The following TNPO1 variants were observed in gnomAD, a reference collection of about 807,000 sequenced individuals.
TNPO1 encodes the protein transportin 1.
TNPO1 carries 8 observed loss-of-function variants against 119.5 expected under a neutral mutation model. That is an observed-to-expected ratio of 0.07 (90% CI 0.04 to 0.12). The LOEUF is 0.12. Among genes scored for constraint, TNPO1 ranks in the 10% least tolerant of loss-of-function variants. TNPO1 has a pLI of 1.00. For missense variants in TNPO1, 576 were observed against 1,089.8 expected (o/e 0.53, Z 6.64); for synonymous variants, 362 against 363.0 (o/e 1.00, Z 0.03).
intron 20 of TNPO1, 136 bp downstream of exon 20, chr5:72,897,287 G>A (rs1749498038): frequency 6.6e-6 from 4 of 602,062 alleles, no homozygotes; most frequent in Non-Finnish European, 1.2e-5. Context: ...CGGATTTTCA[G>A]TAATGAAATA....
At chr5:72,887,507 C>T (rs1036538749) in intron 12 of TNPO1, among the ~76,000 whole-genome samples, 1 of 152,136 alleles carries the variant, frequency 6.6e-6, no homozygotes, top group East Asian at 1.9e-4. Context: ...GTTAACATGG[C>T]GAAACCACGT....
intron 1 of TNPO1, among the ~76,000 whole-genome samples, chr5:72,827,854 A>G (rs566341458): frequency 1.3e-5 from 2 of 151,084 alleles, no homozygotes; most frequent in African/African-American, 4.9e-5. Context: ...TGGGAGGTCA[A>G]GGTTGCAGTG....
intron 1 of TNPO1, among the ~76,000 whole-genome samples, chr5:72,845,074 CTT>C (rs111512326): frequency 1.4e-5 from 2 of 142,528 alleles, no homozygotes; most frequent in Non-Finnish European, 3.0e-5. Flanking sequence ...GTTGAAATGC[CTT>C]TTTTTTTTTT....
intron 3 of TNPO1, among the ~76,000 whole-genome samples, chr5:72,852,861 A>G (rs900186431): frequency 6.6e-6 from 1 of 152,234 alleles, no homozygotes; most frequent in African/African-American, 2.4e-5. Context: ...TATTTCAACA[A>G]TTAATATTCC....
intron 3 of TNPO1, among the ~76,000 whole-genome samples, chr5:72,853,946 G>A (rs1237528098): frequency 6.6e-6 from 1 of 152,102 alleles, no homozygotes; most frequent in African/African-American, 2.4e-5. Flanking sequence ...GTTAGTCGTT[G>A]AATTTTTTAA....
intron 19 of TNPO1, 50 bp from the exon 20 acceptor site, chr5:72,897,006 A>G (rs1749481508): frequency 2.5e-6 from 3 of 1,181,664 alleles, no homozygotes; most frequent in Non-Finnish European, 3.6e-6. Flanking sequence ...TTGATATTTT[A>G]ACGTTCAATT....
At chr5:72,869,971 G>C (rs1437749376) in intron 6 of TNPO1, among the ~76,000 whole-genome samples, 1 of 152,220 alleles carries the variant, frequency 6.6e-6, no homozygotes, top group African/African-American at 2.4e-5. Flanking sequence ...TTCTGGCCTA[G>C]ATCTGATTCC....
chr5:72,842,384 G>A (rs764467663), intron 1 of TNPO1, among the ~76,000 whole-genome samples: 1 of 152,206 alleles, frequency 6.6e-6, no homozygotes, highest in African/African-American at 2.4e-5. Context: ...CCAACCTTAG[G>A]CAAGTAACTT....
In TNPO1 at chr5:72,816,688, A is replaced by G. The variant is rs1354086827; in HGVS notation, c.-50A>G. 8 of 1,539,868 alleles carry G rather than the reference A, an allele frequency of 5.2e-6. No homozygotes were observed. Among genetic ancestry groups the G allele is most frequent in the East Asian group, 2.6e-5 (1 of 39,144 alleles). Reference sequence around the variant, plus strand: ...TCCGCAGCCATTTCAGGCCCCGGACAGGAGGCAGTGCCGCTTCGGCCGAAG... The same window carrying G: ...TCCGCAGCCATTTCAGGCCCCGGACGGGAGGCAGTGCCGCTTCGGCCGAAG... On this transcript the variant is annotated 5_prime_UTR_variant, in exon 1 of 25. Coordinates refer to ENST00000337273, the MANE Select transcript of TNPO1 (RefSeq NM_002270.4).
chr5:72,831,829 T>C (rs1028791729), intron 1 of TNPO1, among the ~76,000 whole-genome samples: 3 of 152,054 alleles, frequency 2.0e-5, no homozygotes, highest in Admixed American at 6.5e-5. Flanking sequence ...AAAAAGTTGC[T>C]CTAAGTACAT....
At chr5:72,899,697 C>T (rs923361199) in intron 20 of TNPO1, among the ~76,000 whole-genome samples, 1 of 152,074 alleles carries the variant, frequency 6.6e-6, no homozygotes, top group Non-Finnish European at 1.5e-5. Flanking sequence ...CAGAATGATA[C>T]CTTGACACTC....
chr5:72,893,289 A>T, intron 16 of TNPO1, 43 bp downstream of exon 16: 1 of 1,605,912 alleles, frequency 6.2e-7, no homozygotes. Flanking sequence ...CATGGTGGAC[A>T]TTTTTCTAAA....
At position 72,882,560 on chromosome 5, in the gene TNPO1, G is replaced by T. The variant is rs372587279; in HGVS notation, c.981+33G>T. 1.9e-4 allele frequency: 278 copies of T among 1,479,944 alleles called. 2 individuals carry two copies. The highest frequency in any genetic ancestry group is 7.9e-4 in the Admixed American group (44 of 55,382). The allele number at this position is 1,479,944 out of a possible 1,614,324, so 91.7% of individuals were successfully genotyped here. A position where few individuals can be genotyped will look rare whatever the true frequency, so the allele number is the denominator to read the frequency against. On this transcript the variant is annotated intron_variant, in intron 10 of 24. Coordinates refer to ENST00000337273, the MANE Select transcript of TNPO1 (RefSeq NM_002270.4). The stretch of plus-strand genomic sequence containing the variant: ...AGCTTTTTTGATGAATAGGGAACAA[G>T]ATTTTTATATTGACTTAGTACATCT...
At chr5:72,895,662 A>G (rs1384505989) in intron 18 of TNPO1, among the ~76,000 whole-genome samples, 2 of 152,194 alleles carry the variant, frequency 1.3e-5, no homozygotes, top group African/African-American at 4.8e-5. Flanking sequence ...ATGATATTCT[A>G]ATTCTTCATT....
chr5:72,835,891 A>C (rs1403363839), intron 1 of TNPO1, among the ~76,000 whole-genome samples: 2 of 152,242 alleles, frequency 1.3e-5, no homozygotes, highest in Non-Finnish European at 2.9e-5. Flanking sequence ...TGAGCCTGCA[A>C]AACCAAGTAA....
intron 1 of TNPO1, chr5:72,848,070 C>T: frequency 9.2e-7 from 1 of 1,090,882 alleles, no homozygotes; most frequent in Non-Finnish European, 1.1e-6. Context: ...GGCACTAGGA[C>T]CCAGGGGGCT....
At chr5:72,860,811 CTTTTAT>C (rs1746383924) in intron 4 of TNPO1, among the ~76,000 whole-genome samples, 1 of 152,078 alleles carries the variant, frequency 6.6e-6, no homozygotes, top group African/African-American at 2.4e-5. Flanking sequence ...CTTAATGTGT[CTTTTAT>C]TTGAACCTAA....
At chr5:72,828,980 AATG>A (rs916073836) in intron 1 of TNPO1, among the ~76,000 whole-genome samples, 8 of 152,226 alleles carry the variant, frequency 5.3e-5, no homozygotes, top group African/African-American at 1.9e-4. Context: ...GGCATAAATA[AATG>A]ATGTGTTTTC....
intron 3 of TNPO1, among the ~76,000 whole-genome samples, chr5:72,855,304 A>G (rs543917739): frequency 3.3e-5 from 5 of 152,134 alleles, no homozygotes; most frequent in Non-Finnish European, 7.4e-5. Context: ...AAATTTTAAT[A>G]GGATATGTTT....
Sources: gnomAD v4.1 joint callset for allele counts (sites outside exome capture counted in the v4.1 genomes callset) on GRCh38, gnomAD v4.1.1 for gene constraint, MANE v1.5 for transcripts, NCBI Gene and HGNC (gene_info 2026-07-23, HGNC 2026-07-21) for gene names.